Variants in LRRC69 observed in about 807,000 individuals in gnomAD.
The protein encoded by LRRC69 is leucine-rich repeat-containing protein 69.
A neutral mutation model predicts 37.8 loss-of-function variants in LRRC69; 42 were observed. The observed-to-expected ratio is 1.11, with a 90% confidence interval of 0.87 to 1.44. The LOEUF is 1.44. Ranked by LOEUF, LRRC69 falls within the 40% of genes most tolerant of loss-of-function variation. The probability of loss-of-function intolerance (pLI) is 0.00; values close to 1 mark genes in which losing one functional copy is unlikely to be tolerated. For missense variants in LRRC69, 357 were observed against 401.9 expected, an observed-to-expected ratio of 0.89 and a Z score of 0.96; for synonymous variants, 141 against 143.1, an observed-to-expected ratio of 0.99 and a Z score of 0.11.
chr8:91,197,989 A>G (rs1157847063), intron 6 of LRRC69, among the ~76,000 whole-genome samples: 1 of 152,172 alleles, frequency 6.6e-6, no homozygotes, highest in African/African-American at 2.4e-5. Flanking sequence ...AAAGTGACTT[A>G]AATTGATTTG....
intron 5 of LRRC69, among the ~76,000 whole-genome samples, chr8:91,138,531 G>A (rs1808462693): frequency 6.7e-6 from 1 of 148,598 alleles, no homozygotes; most frequent in Non-Finnish European, 1.5e-5. Context: ...TTTAGAAAAT[G>A]CAATTTTTTT....
intron 5 of LRRC69, among the ~76,000 whole-genome samples, chr8:91,183,739 G>A (rs1437398398): frequency 6.6e-6 from 1 of 152,192 alleles, no homozygotes; most frequent in Admixed American, 6.5e-5. Flanking sequence ...ATGTTAACTA[G>A]GTTGGAATTG....
intron 7 of LRRC69, among the ~76,000 whole-genome samples, chr8:91,204,201 G>A (rs1264207100): frequency 1.3e-5 from 2 of 152,068 alleles, no homozygotes; most frequent in Admixed American, 6.6e-5. Flanking sequence ...CCCTGTTTAG[G>A]GCTGTCCCAG....
At chr8:91,107,289 C>T (rs1715368213) in intron 1 of LRRC69, among the ~76,000 whole-genome samples, 1 of 151,662 alleles carries the variant, frequency 6.6e-6, no homozygotes, top group South Asian at 2.1e-4. Context: ...CACCTGCCAC[C>T]ATGCCTGGCT....
At chr8:91,111,802 C>T (rs778765967) in intron 1 of LRRC69, among the ~76,000 whole-genome samples, 6 of 151,456 alleles carry the variant, frequency 4.0e-5, no homozygotes, top group Non-Finnish European at 5.9e-5. Flanking sequence ...ACCTGGGTGA[C>T]GAAATAGTCT....
intron 5 of LRRC69, among the ~76,000 whole-genome samples, chr8:91,183,728 C>A (rs1379312648): frequency 2.6e-5 from 4 of 152,046 alleles, no homozygotes; most frequent in African/African-American, 9.7e-5. Flanking sequence ...GTTAGAAGAG[C>A]ATGTTAACTA....
At chr8:91,177,185 C>T (rs1469640016) in intron 5 of LRRC69, among the ~76,000 whole-genome samples, 1 of 152,062 alleles carries the variant, frequency 6.6e-6, no homozygotes. Flanking sequence ...AATGGATCAT[C>T]TCAAAATTAT....
intron 5 of LRRC69, among the ~76,000 whole-genome samples, chr8:91,138,094 T>A (rs929433260): frequency 6.6e-6 from 1 of 151,952 alleles, no homozygotes; most frequent in Non-Finnish European, 1.5e-5. Flanking sequence ...ACTAACCTCA[T>A]AAGGTTGTTA....
intron 1 of LRRC69, among the ~76,000 whole-genome samples, chr8:91,103,661 A>T (rs997333351): frequency 5.3e-5 from 8 of 152,170 alleles, no homozygotes; most frequent in Admixed American, 4.6e-4. Flanking sequence ...GTATTTTCTT[A>T]CTTTCACCCT....
chr8:91,208,556 A>T (rs1375208056), intron 7 of LRRC69, among the ~76,000 whole-genome samples: 2 of 152,164 alleles, frequency 1.3e-5, no homozygotes, highest in African/African-American at 4.8e-5. Flanking sequence ...TTTTTCTTCC[A>T]CTGAACTTAG....
intron 4 of LRRC69, among the ~76,000 whole-genome samples, chr8:91,135,199 G>C (rs1040326228): frequency 3.9e-5 from 6 of 151,982 alleles, no homozygotes; most frequent in African/African-American, 1.4e-4. Context: ...CTTAAGAAGA[G>C]GACTCCCTTC....
rs200391575 is a variant in LRRC69, at chr8:91,173,358, T to C, written c.652-16164T>C. ...TATTCATCCTGGGTCAATGCTTCCTTCCTCATTTGATACTATCTACATGTG... is the reference window on the plus strand; with the variant it reads ...TATTCATCCTGGGTCAATGCTTCCTCCCTCATTTGATACTATCTACATGTG... On this transcript the variant is annotated intron_variant, in intron 5 of 7. Coordinates refer to ENST00000448384, the Ensembl canonical transcript of LRRC69. Among the ~76,000 whole-genome samples the C allele has an allele frequency of 2.6e-5, 4 of 151,044 alleles. No individual in the cohort carries two copies. The East Asian group carries it at 7.8e-4, about 30-fold the overall frequency.
intron 5 of LRRC69, among the ~76,000 whole-genome samples, chr8:91,154,240 G>GAA (rs568539339): frequency 0.054 from 7,785 of 144,244 alleles, 281 homozygotes; most frequent in Middle Eastern, 0.16. Context: ...ACCAACCAAA[G>GAA]AAAAAAAAAA....
At chr8:91,202,641 G>A (rs1809731590) in intron 7 of LRRC69, among the ~76,000 whole-genome samples, 1 of 152,158 alleles carries the variant, frequency 6.6e-6, no homozygotes, top group Non-Finnish European at 1.5e-5. Context: ...ACTGAAAAAT[G>A]GTTCAGTGTG....
At chr8:91,214,209 T>C (rs1809994533) in intron 7 of LRRC69, among the ~76,000 whole-genome samples, 1 of 152,044 alleles carries the variant, frequency 6.6e-6, no homozygotes, top group Non-Finnish European at 1.5e-5. Flanking sequence ...TGTTGATTGA[T>C]TGAGCATGGG....
At chr8:91,141,142 A>G (rs1808527111) in intron 5 of LRRC69, among the ~76,000 whole-genome samples, 1 of 152,114 alleles carries the variant, frequency 6.6e-6, no homozygotes, top group Admixed American at 6.6e-5. Context: ...ACATATCTGA[A>G]GTATGGCCTT....
intron 5 of LRRC69, chr8:91,157,184 C>A (rs186770509): frequency 1.2e-6 from 1 of 845,112 alleles, no homozygotes; most frequent in East Asian, 2.7e-5. Context: ...GGGATTGCTT[C>A]GAATCTGTAG....
chr8:91,162,691 T>C (rs1808966123), intron 5 of LRRC69, among the ~76,000 whole-genome samples: 2 of 151,294 alleles, frequency 1.3e-5, no homozygotes, highest in African/African-American at 4.8e-5. Context: ...TTGGGTCTTA[T>C]GTTTTTATCC....
intron 7 of LRRC69, among the ~76,000 whole-genome samples, chr8:91,218,683 T>C (rs1810103061): frequency 6.6e-6 from 1 of 152,146 alleles, no homozygotes; most frequent in Non-Finnish European, 1.5e-5. Context: ...CTTTCATCAT[T>C]TGGATTTTGT....
Sources: allele counts gnomAD v4.1 joint callset (sites outside exome capture counted in the v4.1 genomes callset), GRCh38; gene constraint gnomAD v4.1.1; transcripts MANE v1.5; gene names NCBI Gene and HGNC (gene_info 2026-07-23, HGNC 2026-07-21).